The following CFTR variants were observed in gnomAD, a reference collection of about 807,000 sequenced individuals.
CFTR encodes the protein cystic fibrosis transmembrane conductance regulator.
A neutral mutation model predicts 171.6 loss-of-function variants in CFTR; 181 were observed. The ratio of observed to expected loss-of-function variants is 1.05; its 90% CI spans 0.93 to 1.19. CFTR has a LOEUF of 1.19. Among genes scored for constraint, CFTR ranks in the 50% most tolerant of loss-of-function variants. The pLI, the probability that CFTR is intolerant of heterozygous loss-of-function variation, is 0.00. For synonymous variants in CFTR, 583 were observed against 608.0 expected, an observed-to-expected ratio of 0.96 and a Z score of 0.60; for missense variants, 1,968 against 1,734.7, an observed-to-expected ratio of 1.13 and a Z score of -2.39.
chr7:117,615,374 A>C (rs1792470022), intron 21 of CFTR, among the ~76,000 whole-genome samples: 1 of 152,008 alleles, frequency 6.6e-6, no homozygotes, highest in African/African-American at 2.4e-5. Flanking sequence ...TAAGTTTAAT[A>C]AAGTTCAATT....
chr7:117,549,503 C>T (rs1431944147), intron 10 of CFTR, among the ~76,000 whole-genome samples: 2 of 152,062 alleles, frequency 1.3e-5, no homozygotes, highest in Admixed American at 1.3e-4. Flanking sequence ...GAATATAACC[C>T]ATTGTGTAGA....
rs150510145 is a variant in CFTR at position 117,618,705 on chromosome 7, G to A, written c.3468+3992G>A. 5.3e-5 allele frequency among the ~76,000 whole-genome samples: 8 copies of A among 152,044 alleles called. No individual in the cohort carries two copies. In the East Asian group the frequency reaches 1.5e-3, roughly 29 times the overall value. The stretch of plus-strand genomic sequence containing the variant: ...CAGTATCTCCTTAAAATATACCCAG[G>A]GTCTCAGGAGACTATTCAAACAGGA... On this transcript the variant is annotated intron_variant, in intron 21 of 26. Coordinates refer to ENST00000003084, the MANE Select transcript of CFTR (RefSeq NM_000492.4).
intron 1 of CFTR, among the ~76,000 whole-genome samples, chr7:117,490,959 C>T (rs1016445292): frequency 6.6e-6 from 1 of 152,078 alleles, no homozygotes; most frequent in Non-Finnish European, 1.5e-5. Context: ...TTTAAATTTA[C>T]AGGCATATGT....
chr7:117,542,866 C>T (rs566763362), intron 9 of CFTR, among the ~76,000 whole-genome samples: 4 of 152,186 alleles, frequency 2.6e-5, no homozygotes, highest in Non-Finnish European at 5.9e-5. Context: ...GAGTACCATG[C>T]ACACAGTTGT....
chr7:117,608,719 C>T (rs777662845), intron 18 of CFTR, among the ~76,000 whole-genome samples: 3 of 151,934 alleles, frequency 2.0e-5, no homozygotes, highest in Non-Finnish European at 4.4e-5. Context: ...TTGTGAGCTC[C>T]TCTGGTTATA....
chr7:117,536,550 A>C lies in CFTR; in HGVS notation c.746A>C (p.Asp249Ala). The stretch of plus-strand genomic sequence containing the variant: ...TTGATTGATTGATTGATTTACAGAG[A>C]TCAGAGAGCTGGGAAGATCAGTGAA... ...GLGRMMMKYR[D>A]QRAGKISERL... is the part of the protein sequence containing the mutation. Residue 249 changes from aspartate to alanine, a missense_variant and splice_region_variant, in exon 7 of 27, where the codon GAT becomes GCT. Asp to Ala is a moderately radical substitution (Grantham distance 126). Transcript: ENST00000003084. 6.3e-7 allele frequency: 1 copy of C among 1,583,846 alleles called. No homozygotes were observed. The highest frequency in any genetic ancestry group is 8.6e-7 in the Non-Finnish European group (1 of 1,162,786).
intron 11 of CFTR, among the ~76,000 whole-genome samples, chr7:117,571,215 G>A (rs988573137): frequency 1.3e-5 from 2 of 152,202 alleles, no homozygotes; most frequent in Non-Finnish European, 2.9e-5. Flanking sequence ...GGGTAGGTAA[G>A]TATGAAGGCC....
At chr7:117,528,679 A>G (rs1389590364) in intron 3 of CFTR, among the ~76,000 whole-genome samples, 15 of 91,992 alleles carry the variant, frequency 1.6e-4, no homozygotes, top group African/African-American at 6.6e-4. Context: ...GAAAAAAACA[A>G]ACAACCCCAT....
intron 4 of CFTR, among the ~76,000 whole-genome samples, chr7:117,533,701 A>T (rs1347007939): frequency 6.6e-6 from 1 of 152,166 alleles, no homozygotes; most frequent in Non-Finnish European, 1.5e-5. Flanking sequence ...AGTAAATTTA[A>T]TTGGTAGATA....
At chr7:117,652,223 C>T (rs1793099309) in intron 23 of CFTR, among the ~76,000 whole-genome samples, 1 of 152,132 alleles carries the variant, frequency 6.6e-6, no homozygotes, top group Admixed American at 6.6e-5. Flanking sequence ...TTACCAGGAA[C>T]ATACATTCAG....
At chr7:117,501,711 C>A (rs190190747) in intron 1 of CFTR, among the ~76,000 whole-genome samples, 1 of 123,566 alleles carries the variant, frequency 8.1e-6, no homozygotes, top group Non-Finnish European at 1.6e-5. Flanking sequence ...TGCGCCATTG[C>A]GCTCCAGCCT....
intron 3 of CFTR, among the ~76,000 whole-genome samples, chr7:117,510,599 G>C (rs1480811425): frequency 6.6e-6 from 1 of 152,100 alleles, no homozygotes; most frequent in African/African-American, 2.4e-5. Flanking sequence ...AGCTGGAAGA[G>C]GGGTCTAATT....
chr7:117,646,243 GGTT>G (rs1040427512), intron 23 of CFTR, among the ~76,000 whole-genome samples: 1 of 152,132 alleles, frequency 6.6e-6, no homozygotes, highest in African/African-American at 2.4e-5. Flanking sequence ...GTGCTGTGGT[GGTT>G]GTTATTATTT....
chr7:117,508,678 G>C (rs1423925587), intron 2 of CFTR, among the ~76,000 whole-genome samples: 1 of 152,202 alleles, frequency 6.6e-6, no homozygotes, highest in Non-Finnish European at 1.5e-5. Context: ...GAATGTTTGT[G>C]TGTTTATTTT....
At chr7:117,509,511 A>G (rs2116642339) in intron 3 of CFTR, among the ~76,000 whole-genome samples, 1 of 152,316 alleles carries the variant, frequency 6.6e-6, no homozygotes, top group African/African-American at 2.4e-5. Context: ...AATTAGGTCA[A>G]ATGCAGCTAA....
intron 12 of CFTR, 55 bp from the exon 13 acceptor site, chr7:117,590,298 C>A: frequency 6.3e-7 from 1 of 1,577,844 alleles, no homozygotes; most frequent in South Asian, 1.1e-5. Context: ...ATCATCTACA[C>A]TAGATGACCA....
Position 117,592,206 on chromosome 7 carries a change from C to G in CFTR, c.2039C>G (p.Thr680Arg). 1 of 1,613,604 alleles carries G rather than the reference C, an allele frequency of 6.2e-7. No individual in the cohort carries two copies. Among genetic ancestry groups the G allele is most frequent in the South Asian group, 1.1e-5 (1 of 91,070 alleles). Residue 680 changes from threonine to arginine, a missense_variant, in exon 14 of 27, where the codon ACA becomes AGA. Coordinates refer to ENST00000003084, the MANE Select transcript of CFTR (RefSeq NM_000492.4). ...SLEGDAPVSW[T>R]ETKKQSFKQT... ...GAAGGAGATGCTCCTGTCTCCTGGA[C>G]AGAAACAAAAAAACAATCTTTTAAA... is the stretch of plus-strand genomic sequence containing the variant.
At chr7:117,560,718 A>G (rs961143955) in intron 11 of CFTR, 1 of 152,032 alleles carries the variant, frequency 6.6e-6, no homozygotes, top group African/African-American at 2.4e-5. Flanking sequence ...CTACCTGCAA[A>G]AGTTTTGGAC....
In CFTR at chr7:117,534,319, G is replaced by A. The variant is rs397508748; in HGVS notation, c.533G>A (p.Gly178Glu). The A allele has an allele frequency of 6.2e-7, 1 of 1,606,410 alleles. No homozygotes were observed. The highest frequency in any genetic ancestry group is 8.5e-7 in the Non-Finnish European group (1 of 1,173,626). ...SSRVLDKISI[G>E]QLVSLLSNNL... ...CGTGTTCTAGATAAAATAAGTATTG[G>A]ACAACTTGTTAGTCTCCTTTCCAAC... The change falls in exon 5 of 27, where the codon GGA (glycine) becomes GAA (glutamate). Residue 178 changes from glycine to glutamate, a missense_variant. By Grantham distance (98) the Gly-to-Glu change is moderately conservative (BLOSUM62 -2). Coordinates refer to ENST00000003084, the MANE Select transcript of CFTR (RefSeq NM_000492.4).
Sources: allele counts gnomAD v4.1 joint callset (sites outside exome capture counted in the v4.1 genomes callset), GRCh38; gene constraint gnomAD v4.1.1; transcripts MANE v1.5; gene names NCBI Gene and HGNC (gene_info 2026-07-23, HGNC 2026-07-21).